The following MAPK13 variants were observed in gnomAD, a reference collection of about 807,000 sequenced individuals.
MAPK13 encodes mitogen-activated protein kinase 13.
A neutral mutation model predicts 53.5 loss-of-function variants in MAPK13; 39 were observed. The ratio of observed to expected loss-of-function variants is 0.73; its 90% confidence interval spans 0.56 to 0.95. The LOEUF (loss-of-function observed/expected upper bound fraction) is 0.95. Ranked by LOEUF, MAPK13 falls within the 40% of genes least tolerant of loss-of-function variation. The pLI is 0.00. For synonymous variants in MAPK13, 179 were observed against 190.9 expected (o/e 0.94, Z 0.51); for missense variants, 460 against 471.8 (o/e 0.98, Z 0.23).
intron 11 of MAPK13, 35 bp downstream of exon 11, chr6:36,139,090 C>T (rs1318252475): frequency 1.9e-6 from 3 of 1,545,724 alleles, no homozygotes; most frequent in Non-Finnish European, 2.6e-6. Context: ...CTCGCCTCCG[C>T]CTGCAGCCTC....
In MAPK13 at chr6:36,140,125, G is replaced by A. The variant is rs1313324801; in HGVS notation, c.*752G>A. The A allele has an allele frequency of 1.3e-5, 2 of 152,234 alleles. No homozygotes were observed. The highest frequency in any genetic ancestry group is 2.9e-5 in the Non-Finnish European group (2 of 68,044). The allele number at this position is 152,234 out of a possible 1,614,324, so 9.4% of individuals were successfully genotyped here. On this transcript the variant is annotated 3_prime_UTR_variant, in exon 12 of 12. Transcript: ENST00000211287. ...AGCTGGGAGGGAGGGGCCCCTTCCTGGGCCCCGTGCTGAGGCCTTGTGCTC... is the reference window on the plus strand; with the variant it reads ...AGCTGGGAGGGAGGGGCCCCTTCCTAGGCCCCGTGCTGAGGCCTTGTGCTC...
chr6:36,131,614 T>C (rs908353573), intron 2 of MAPK13, among the ~76,000 whole-genome samples: 18 of 152,200 alleles, frequency 1.2e-4, no homozygotes, highest in African/African-American at 3.9e-4. Context: ...CAGAATGCAC[T>C]TTGTGAGGTA....
intron 11 of MAPK13, 47 bp downstream of exon 11, chr6:36,139,102 C>T (rs1402423823): frequency 1.3e-6 from 2 of 1,527,500 alleles, no homozygotes; most frequent in South Asian, 1.3e-5. Flanking sequence ...TGCAGCCTCT[C>T]TTCCTTGCTT....
At chr6:36,139,104 T>A (rs1766482536) in intron 11 of MAPK13, 49 bp downstream of exon 11, 2 of 1,528,736 alleles carry the variant, frequency 1.3e-6, no homozygotes, top group Non-Finnish European at 1.8e-6. Context: ...CAGCCTCTCT[T>A]CCTTGCTTCC....
intron 1 of MAPK13, 47 bp from the exon 2 acceptor site, chr6:36,131,224 C>G (rs377420541): frequency 8.5e-5 from 135 of 1,583,922 alleles, no homozygotes; most frequent in Non-Finnish European, 1.1e-4. Flanking sequence ...CTGGGAGATA[C>G]GGCCCAGGAG....
At chr6:36,137,934 G>A (rs578219506) in intron 8 of MAPK13, among the ~76,000 whole-genome samples, 176 of 128,860 alleles carry the variant, frequency 1.4e-3, no homozygotes, top group Non-Finnish European at 2.2e-3. Flanking sequence ...ACTCCAGCCT[G>A]AGTGACAGAG....
In MAPK13 at chr6:36,135,754, TA is replaced by T; in HGVS notation, c.311del (p.Tyr104SerfsTer3). On this transcript the variant is annotated frameshift_variant and splice_region_variant, in exon 4 of 12. Transcript: ENST00000211287. LOFTEE classifies it high-confidence loss of function. ...ASSLRNFYDF[Y>X]LVMPFMQTDL... ...CCAAGAACCCCTCATGCCTTCCAGC[TA>T]CCTGGTGATGCCCTTCATGCAGACG... 6.2e-7 allele frequency: 1 copy of T among 1,611,832 alleles called. No individual in the cohort carries two copies. The highest frequency in any genetic ancestry group is 8.5e-7 in the Non-Finnish European group (1 of 1,178,446).
chr6:36,140,302 A>G lies in MAPK13; in HGVS notation c.*929A>G, dbSNP rs1400619500. 3 of 152,698 alleles carry G rather than the reference A, an allele frequency of 2.0e-5. No homozygotes were observed. Among genetic ancestry groups the G allele is most frequent in the African/African-American group, 7.2e-5 (3 of 41,474 alleles). 9.5% of individuals were successfully genotyped at this position (152,698 alleles called of 1,614,324 possible). On this transcript the variant is annotated 3_prime_UTR_variant, in exon 12 of 12. Transcript: ENST00000211287. ...CTCGGAGACTGCGAGCTGCACAGGCAGAAATGGGCTCTTGCCTGGCTTGAT... is the reference window on the plus strand; with the variant it reads ...CTCGGAGACTGCGAGCTGCACAGGCGGAAATGGGCTCTTGCCTGGCTTGAT...
intron 5 of MAPK13, 27 bp downstream of exon 5, chr6:36,136,075 C>G: frequency 6.2e-7 from 1 of 1,613,908 alleles, no homozygotes. Flanking sequence ...CCATGGTCCT[C>G]AGAGGCCCCT....
chr6:36,131,072 G>A, intron 1 of MAPK13, 199 bp from the exon 2 acceptor site: 1 of 582,896 alleles, frequency 1.7e-6, no homozygotes, highest in Non-Finnish European at 2.9e-6. Context: ...ATGAGACGTT[G>A]CTGCCCCTGG....
At position 36,135,979 on chromosome 6, in the gene MAPK13, A is replaced by G. The variant is rs764521500; in HGVS notation, c.418-40A>G. The stretch of plus-strand genomic sequence containing the variant: ...GCCAGCCTGAAGTGCCTGGTGTGGA[A>G]GCTGGGCCATGGACTCACCCTTCTC... On this transcript the variant is annotated intron_variant, in intron 4 of 11. Transcript: ENST00000211287. The G allele has an allele frequency of 2.5e-6, 4 of 1,613,816 alleles. No individual in the cohort carries two copies. The Admixed American group carries it at 6.7e-5, about 27-fold the overall frequency.
In MAPK13 at chr6:36,136,031, G is replaced by C. The variant is rs754969233; in HGVS notation, c.430G>C (p.Ala144Pro). 6.2e-7 allele frequency: 1 copy of C among 1,614,126 alleles called. No individual in the cohort carries two copies. Among genetic ancestry groups the C allele is most frequent in the South Asian group, 1.1e-5 (1 of 91,084 alleles). ...CTCTCCCACATAGTACATCCACTCT[G>C]CTGGGGTCGTGCACAGGGTGAGTGC... is the stretch of plus-strand genomic sequence containing the variant. ...MLKGLKYIHS[A>P]GVVHRDLKPG... Residue 144 changes from alanine to proline, a missense_variant, in exon 5 of 12, where the codon GCT (alanine) becomes CCT (proline). By Grantham distance (27) the Ala-to-Pro change is conservative (BLOSUM62 -1). Coordinates refer to ENST00000211287, the MANE Select transcript of MAPK13 (RefSeq NM_002754.5).
In MAPK13 at chr6:36,138,678, G is replaced by A. The variant is rs372549547; in HGVS notation, c.763-24G>A. 1.3e-5 allele frequency: 21 copies of A among 1,610,528 alleles called. No homozygotes were observed. The African/African-American group carries it at 2.8e-4, about 22-fold the overall frequency. ...CACGCTGAGGCCAGAGCCCTAAGGG[G>A]TTTGATGCTTTTCTGTCTTCCAGGC... is the stretch of plus-strand genomic sequence containing the variant. On this transcript the variant is annotated intron_variant, in intron 9 of 11. Transcript: ENST00000211287.
At chr6:36,132,892 G>A (rs763096) in intron 3 of MAPK13, among the ~76,000 whole-genome samples, 48,290 of 152,090 alleles carry the variant, frequency 0.32, 8,252 homozygotes, top group Non-Finnish European at 0.39. Flanking sequence ...GACTTTGTGG[G>A]GTGCTTGCCT....
At chr6:36,135,049 C>G (rs544308498) in intron 3 of MAPK13, among the ~76,000 whole-genome samples, 1 of 152,318 alleles carries the variant, frequency 6.6e-6, no homozygotes, top group South Asian at 2.1e-4. Context: ...AAAGATGGGT[C>G]CCTATGTTGC....
chr6:36,136,198 G>A (rs768635935), intron 5 of MAPK13, 150 bp downstream of exon 5: 92 of 947,656 alleles, frequency 9.7e-5, no homozygotes, highest in Admixed American at 3.5e-4. Flanking sequence ...CCACGGCCCA[G>A]GAAGGCCTGC....
intron 3 of MAPK13, among the ~76,000 whole-genome samples, chr6:36,133,658 G>C (rs1766360806): frequency 6.6e-6 from 1 of 152,236 alleles, no homozygotes; most frequent in African/African-American, 2.4e-5. Flanking sequence ...TTTAATCACA[G>C]TTGCAAATAA....
At position 36,133,943 on chromosome 6, in the gene MAPK13, T is replaced by C. The variant is rs2127486109; in HGVS notation, c.308+1264T>C. 1.3e-5 allele frequency among the ~76,000 whole-genome samples: 2 copies of C among 152,164 alleles called. 1 individual carries two copies. ...AGATCAGAAGAAAAGGGAGTCATGG[T>C]GTGTTTGTCGGGTGTTCACTGGTGA... is the stretch of plus-strand genomic sequence containing the variant. On this transcript the variant is annotated intron_variant, in intron 3 of 11. Transcript: ENST00000211287.
rs1766319206 is a variant in MAPK13, at chr6:36,131,389, C to A, written c.238C>A (p.Gln80Lys). ...YRELLLLKHM[Q>K]HENVIGLLDV... ...GGAGCTGCTGCTGCTGAAGCACATG[C>A]AGCATGAGAACGTAGGTGGTGGCTG... The change falls in exon 2 of 12, where the codon CAG becomes AAG. Residue 80 changes from glutamine to lysine, a missense_variant. Coordinates refer to ENST00000211287, the MANE Select transcript of MAPK13 (RefSeq NM_002754.5). The A allele has an allele frequency of 2.5e-6, 4 of 1,613,036 alleles. No individual in the cohort carries two copies. Among genetic ancestry groups the A allele is most frequent in the Non-Finnish European group, 3.4e-6 (4 of 1,179,476 alleles).
Sources: allele counts gnomAD v4.1 joint callset (sites outside exome capture counted in the v4.1 genomes callset), GRCh38; gene constraint gnomAD v4.1.1; transcripts MANE v1.5; gene names NCBI Gene and HGNC (gene_info 2026-07-23, HGNC 2026-07-21).